Variants in CACNB2 observed in about 807,000 individuals in gnomAD.
CACNB2 encodes the protein voltage-dependent L-type calcium channel subunit beta-2.
CACNB2 carries 42 observed loss-of-function variants against 73.3 expected under a neutral mutation model. The ratio of observed to expected loss-of-function variants is 0.57; its 90% confidence interval spans 0.45 to 0.74. CACNB2 has a LOEUF of 0.74. CACNB2 is among the 30% of genes least tolerant of loss of function. CACNB2 has a pLI of 0.00. For missense variants in CACNB2, 940 were observed against 853.0 expected, an observed-to-expected ratio of 1.10 and a Z score of -1.27; for synonymous variants, 348 against 310.3, an observed-to-expected ratio of 1.12 and a Z score of -1.28.
chr10:18,246,623 C>A (rs2036870444), intron 2 of CACNB2, among the ~76,000 whole-genome samples: 1 of 152,102 alleles, frequency 6.6e-6, no homozygotes, highest in Non-Finnish European at 1.5e-5. Flanking sequence ...CTCTGTCATA[C>A]AGGCTGGAGT....
intron 9 of CACNB2, among the ~76,000 whole-genome samples, chr10:18,523,786 A>T (rs2052164771): frequency 6.6e-6 from 1 of 152,264 alleles, no homozygotes; most frequent in African/African-American, 2.4e-5. Flanking sequence ...GACATTCTAA[A>T]AGGGAAAAAT....
intron 2 of CACNB2, among the ~76,000 whole-genome samples, chr10:18,327,580 G>A (rs945250487): frequency 1.3e-5 from 2 of 152,004 alleles, no homozygotes; most frequent in African/African-American, 2.4e-5. Flanking sequence ...GCATGCTACC[G>A]TGCCCAGCTA....
In CACNB2 at chr10:18,246,095, G is replaced by A. The variant is rs559359123; in HGVS notation, c.213+95120G>A. On this transcript the variant is annotated intron_variant, in intron 2 of 13. Coordinates refer to ENST00000324631, the MANE Select transcript of CACNB2 (RefSeq NM_201596.3). ...TCTCCGAGAGGAAGAAACCTCAGAT[G>A]AAAGACTGTGTGTCTACTGGGTTAA... is the stretch of plus-strand genomic sequence containing the variant. 3.3e-5 allele frequency among the ~76,000 whole-genome samples: 5 copies of A among 152,230 alleles called. No homozygotes were observed. In the South Asian group the frequency reaches 1.0e-3, roughly 32 times the overall value.
At chr10:18,536,816 G>GAGTT (rs1172994772) in intron 12 of CACNB2, among the ~76,000 whole-genome samples, 12 of 152,148 alleles carry the variant, frequency 7.9e-5, no homozygotes, top group Non-Finnish European at 1.2e-4. Flanking sequence ...AGTCTATTTG[G>GAGTT]AGTTGGTATA....
intron 3 of CACNB2, among the ~76,000 whole-genome samples, chr10:18,405,467 T>G (rs992819970): frequency 1.1e-4 from 16 of 152,340 alleles, no homozygotes; most frequent in South Asian, 1.0e-3. Context: ...ATATATTTTT[T>G]TGTGTGTGGG....
Position 18,474,172 on chromosome 10 carries a change from T to C in CACNB2, c.334-24183T>C, listed in dbSNP as rs1374496586. Among the ~76,000 whole-genome samples, 5 of 152,158 alleles carry C rather than the reference T, an allele frequency of 3.3e-5. No individual in the cohort carries two copies. The South Asian group carries it at 6.2e-4, about 19-fold the overall frequency. On this transcript the variant is annotated intron_variant, in intron 3 of 13. Transcript: ENST00000324631. ...GCTGTCATGGTGGCGAAGGGGAACA[T>C]TGCAAATCTGAACATGACCGCAGCT...
chr10:18,251,837 A>G (rs1441297329), intron 2 of CACNB2, among the ~76,000 whole-genome samples: 1 of 152,154 alleles, frequency 6.6e-6, no homozygotes, highest in East Asian at 1.9e-4. Flanking sequence ...AGAACTCACT[A>G]TCACAAGAAA....
intron 4 of CACNB2, 50 bp downstream of exon 4, chr10:18,498,527 T>TA: frequency 6.3e-7 from 1 of 1,590,514 alleles, no homozygotes; most frequent in Non-Finnish European, 8.6e-7. Context: ...CACCTTGACA[T>TA]ACCATTTCTT....
chr10:18,194,779 G>A (rs575122995), intron 2 of CACNB2, among the ~76,000 whole-genome samples: 1 of 152,308 alleles, frequency 6.6e-6, no homozygotes, highest in Non-Finnish European at 1.5e-5. Flanking sequence ...ATTCTGTGCT[G>A]AAGTCTGTGT....
At chr10:18,326,453 G>A (rs1035742103) in intron 2 of CACNB2, among the ~76,000 whole-genome samples, 3 of 152,166 alleles carry the variant, frequency 2.0e-5, no homozygotes, top group Non-Finnish European at 4.4e-5. Flanking sequence ...CAGAAAATTC[G>A]TGGTGTTTTA....
intron 3 of CACNB2, among the ~76,000 whole-genome samples, chr10:18,449,437 C>A (rs558835382): frequency 6.6e-5 from 10 of 152,078 alleles, no homozygotes; most frequent in Non-Finnish European, 8.8e-5. Context: ...AACTCCAGTT[C>A]TACCTCTCCT....
chr10:18,185,357 A>G lies in CACNB2; in HGVS notation c.213+34382A>G, dbSNP rs192861816. 6.3e-3 allele frequency among the ~76,000 whole-genome samples: 961 copies of G among 152,354 alleles called. 7 individuals are homozygous for G. Among genetic ancestry groups the G allele is most frequent in the Non-Finnish European group, 0.011 (726 of 68,038 alleles). The stretch of plus-strand genomic sequence containing the variant: ...AACAGAATCAGATGAGTTAAATTGT[A>G]TACAGAGTATTTCCAGATAGGAAAT... On this transcript the variant is annotated intron_variant, in intron 2 of 13. Transcript: ENST00000324631.
Position 18,539,244 on chromosome 10 carries a change from T to A in CACNB2, c.1503T>A (p.Asp501Glu), listed in dbSNP as rs757180216. 1 of 1,614,020 alleles carries A rather than the reference T, an allele frequency of 6.2e-7. No homozygotes were observed. Among genetic ancestry groups the A allele is most frequent in the East Asian group, 2.2e-5 (1 of 44,852 alleles). The change falls in exon 14 of 14, where the codon GAT (aspartate) becomes GAA (glutamate). Residue 501 changes from aspartate to glutamate, a missense_variant. By Grantham distance (45) the Asp-to-Glu change is conservative (BLOSUM62 2). Transcript: ENST00000324631. ...LASNSQGSQG[D>E]QRTDRSAPIR... ...TTCGCTGCCAGGGTTCTCAAGGTGA[T>A]CAGAGGACTGATCGCTCCGCTCCTA...
chr10:18,300,374 T>A lies in CACNB2; in HGVS notation c.214-101550T>A, dbSNP rs72784245. Among the ~76,000 whole-genome samples the A allele has an allele frequency of 6.7e-3, 1,013 of 152,300 alleles. 6 individuals are homozygous for A. Among genetic ancestry groups the A allele is most frequent in the Non-Finnish European group, 9.7e-3 (658 of 68,010 alleles). On this transcript the variant is annotated intron_variant, in intron 2 of 13. Coordinates refer to ENST00000324631, the MANE Select transcript of CACNB2 (RefSeq NM_201596.3). ...CTGTTGCTGTGCCTTGGGTAACAAG[T>A]TGACTCCTACACTCCTGAAATTTCA... is the stretch of plus-strand genomic sequence containing the variant.
chr10:18,381,233 G>A (rs1187841138), intron 2 of CACNB2, among the ~76,000 whole-genome samples: 1 of 150,984 alleles, frequency 6.6e-6, no homozygotes, highest in Non-Finnish European at 1.5e-5. Context: ...TTTTGGCCGG[G>A]TGCGGTGGCT....
At chr10:18,406,693 T>C (rs924809922) in intron 3 of CACNB2, among the ~76,000 whole-genome samples, 3 of 152,204 alleles carry the variant, frequency 2.0e-5, no homozygotes, top group Non-Finnish European at 2.9e-5. Flanking sequence ...TATACTACAA[T>C]GTAATAATAA....
intron 3 of CACNB2, among the ~76,000 whole-genome samples, chr10:18,470,608 T>A (rs7076100): frequency 0.4 from 59,999 of 151,804 alleles, 12,326 homozygotes; most frequent in South Asian, 0.62. Context: ...TCAGTTGCAT[T>A]GCATGGAGCC....
intron 3 of CACNB2, among the ~76,000 whole-genome samples, chr10:18,488,905 C>T (rs888516620): frequency 3.9e-5 from 6 of 151,900 alleles, no homozygotes; most frequent in Non-Finnish European, 7.4e-5. Context: ...CAGCCGGGTA[C>T]GGTGGCTCAT....
chr10:18,357,760 T>A (rs2041981811), intron 2 of CACNB2, among the ~76,000 whole-genome samples: 1 of 152,156 alleles, frequency 6.6e-6, no homozygotes, highest in Admixed American at 6.5e-5. Flanking sequence ...CATCTTATAA[T>A]CACATAGGAT....
Sources: allele counts gnomAD v4.1 joint callset (sites outside exome capture counted in the v4.1 genomes callset), GRCh38; gene constraint gnomAD v4.1.1; transcripts MANE v1.5; gene names NCBI Gene and HGNC (gene_info 2026-07-23, HGNC 2026-07-21).